Variants in TMEM164 observed in about 807,000 individuals in gnomAD.
The protein encoded by TMEM164 is RP13-360B22.2.
A neutral mutation model predicts 18.8 loss-of-function variants in TMEM164; 4 were observed. The observed-to-expected ratio is 0.21, with a 90% CI of 0.10 to 0.49. The LOEUF (loss-of-function observed/expected upper bound fraction) is 0.49. Among genes scored for constraint, TMEM164 ranks in the 20% least tolerant of loss-of-function variants. TMEM164 has a pLI of 0.98. For synonymous variants in TMEM164, 86 were observed against 101.7 expected (o/e 0.85, Z 0.93); for missense variants, 108 against 239.9 (o/e 0.45, Z 3.63).
At chrX:110,089,955 T>C (rs1213841940) in intron 3 of TMEM164, among the ~76,000 whole-genome samples, 1 of 112,492 alleles carries the variant, frequency 8.9e-6, no homozygotes, top group Non-Finnish European at 1.9e-5. Flanking sequence ...TCTTGACACT[T>C]TGTCATCTGT....
chrX:110,065,660 T>G (rs1936307053), intron 2 of TMEM164: 10 of 112,044 alleles, frequency 8.9e-5, no homozygotes, highest in Admixed American at 8.5e-4. Context: ...GTAATCCTTA[T>G]CCAAAACCAT....
intron 2 of TMEM164, among the ~76,000 whole-genome samples, chrX:110,052,266 T>A (rs910359455): frequency 2.4e-4 from 27 of 111,534 alleles, no homozygotes; most frequent in African/African-American, 8.5e-4. Context: ...GGGCTTCAAA[T>A]AGAGCAAATC....
In TMEM164 at chrX:110,168,796, C is replaced by T. The variant is rs184245918; in HGVS notation, c.587-2624C>T. Reference sequence around the variant, plus strand: ...TCTCTTTCTACGTATGTTCCCATGACTTCAGTTACCACTGTGTGCTGATGA... The same window carrying T: ...TCTCTTTCTACGTATGTTCCCATGATTTCAGTTACCACTGTGTGCTGATGA... On this transcript the variant is annotated intron_variant, in intron 5 of 6. Coordinates refer to ENST00000372068, the MANE Select transcript of TMEM164 (RefSeq NM_032227.4). 5.1e-3 allele frequency among the ~76,000 whole-genome samples: 576 copies of T among 112,839 alleles called. 7 individuals are homozygous for T. The highest frequency in any genetic ancestry group is 0.018 in the African/African-American group (548 of 31,069).
intron 2 of TMEM164, among the ~76,000 whole-genome samples, chrX:110,018,843 A>T (rs747720330): frequency 1.8e-5 from 2 of 112,222 alleles, no homozygotes; most frequent in Admixed American, 1.9e-4. Context: ...TAAATATGAG[A>T]ATCAAGTCAA....
chrX:110,009,949 C>T lies in TMEM164; in HGVS notation c.390+5785C>T, dbSNP rs753665225. Among the ~76,000 whole-genome samples the T allele has an allele frequency of 1.7e-4, 19 of 108,856 alleles. No individual in the cohort carries two copies. The East Asian group carries it at 4.3e-3, about 25-fold the overall frequency. The allele number at this position is 108,856 out of a possible 115,157, so 94.5% of individuals were successfully genotyped here. Reference sequence around the variant, plus strand: ...CAGAGGTTGCAGTGAGCCGAGATCCCGCCACTGCACTCCAGCCTGGGTGAC... The same window carrying T: ...CAGAGGTTGCAGTGAGCCGAGATCCTGCCACTGCACTCCAGCCTGGGTGAC... On this transcript the variant is annotated intron_variant, in intron 2 of 6. Coordinates refer to ENST00000372068, the MANE Select transcript of TMEM164 (RefSeq NM_032227.4).
intron 5 of TMEM164, among the ~76,000 whole-genome samples, chrX:110,147,920 G>T (rs1295801787): frequency 9.1e-6 from 1 of 109,601 alleles, no homozygotes; most frequent in African/African-American, 3.3e-5. Flanking sequence ...TTCCTATTCA[G>T]CTTGTATCTC....
At chrX:110,002,419 G>GAGGAGGGAGA (rs1217242180), upstream of TMEM164, among the ~76,000 whole-genome samples, 3 of 110,481 alleles carry the variant, frequency 2.7e-5, no homozygotes, top group Non-Finnish European at 5.7e-5. Context: ...GAGGGAGGAG[G>GAGGAGGGAGA]AGGAGGGAGA....
At chrX:110,149,492 G>A (rs995941203) in intron 5 of TMEM164, among the ~76,000 whole-genome samples, 1 of 111,663 alleles carries the variant, frequency 9.0e-6, no homozygotes, top group Non-Finnish European at 1.9e-5. Context: ...CTGCTTCGGG[G>A]CTTCCAAAGT....
At chrX:110,096,290 G>A (rs759472184) in intron 3 of TMEM164, among the ~76,000 whole-genome samples, 2 of 113,026 alleles carry the variant, frequency 1.8e-5, no homozygotes, top group African/African-American at 3.2e-5. Context: ...CAGAGGTGGA[G>A]TCTACAGAGG....
At chrX:110,146,002 T>A (rs1393670219) in intron 5 of TMEM164, among the ~76,000 whole-genome samples, 1 of 111,911 alleles carries the variant, frequency 8.9e-6, no homozygotes, top group Non-Finnish European at 1.9e-5. Context: ...TCTCACGATG[T>A]CCCAAAACAC....
At chrX:110,147,721 G>A (rs1206354378) in intron 5 of TMEM164, among the ~76,000 whole-genome samples, 2 of 110,535 alleles carry the variant, frequency 1.8e-5, no homozygotes, top group African/African-American at 6.6e-5. Context: ...CCAACATCCT[G>A]AGAGACTTCT....
At position 110,135,237 on chromosome X, in the gene TMEM164, TA is replaced by T. The variant is rs59248499; in HGVS notation, c.508-9550del. 7.5e-3 allele frequency among the ~76,000 whole-genome samples: 754 copies of T among 100,146 alleles called. 5 individuals are homozygous for T. Among genetic ancestry groups the T allele is most frequent in the African/African-American group, 0.023 (646 of 27,696 alleles). 87.0% of individuals were successfully genotyped at this position (100,146 alleles called of 115,157 possible). A position where few individuals can be genotyped will look rare whatever the true frequency, so the allele number is the denominator to read the frequency against. On this transcript the variant is annotated intron_variant, in intron 4 of 6. Coordinates refer to ENST00000372068, the MANE Select transcript of TMEM164 (RefSeq NM_032227.4). ...ATATACAAACTTATTCCTTTTCTTC[TA>T]AAAAAAAAAAGGATCATGCCTTATA...
intron 3 of TMEM164, among the ~76,000 whole-genome samples, chrX:110,097,452 G>C (rs1329076928): frequency 8.9e-6 from 1 of 112,497 alleles, no homozygotes; most frequent in Non-Finnish European, 1.9e-5. Flanking sequence ...GTATAAACAT[G>C]GATAATTAGA....
intron 5 of TMEM164, among the ~76,000 whole-genome samples, chrX:110,159,636 A>T (rs2067065888): frequency 9.0e-6 from 1 of 111,095 alleles, no homozygotes; most frequent in Non-Finnish European, 1.9e-5. Flanking sequence ...CACTGATCTG[A>T]GGTGAATTCA....
chrX:110,170,651 T>C (rs1255733999), intron 5 of TMEM164, among the ~76,000 whole-genome samples: 1 of 111,541 alleles, frequency 9.0e-6, no homozygotes, highest in East Asian at 2.8e-4. Context: ...ATGATACTTT[T>C]TAGCAATGAT....
chrX:110,133,435 G>A lies in TMEM164; in HGVS notation c.508-11363G>A, dbSNP rs148125506. 8.0e-3 allele frequency among the ~76,000 whole-genome samples: 893 copies of A among 112,187 alleles called. 4 individuals are homozygous for A. Among genetic ancestry groups the A allele is most frequent in the Non-Finnish European group, 0.012 (632 of 53,198 alleles). On this transcript the variant is annotated intron_variant, in intron 4 of 6. Coordinates refer to ENST00000372068, the MANE Select transcript of TMEM164 (RefSeq NM_032227.4). Reference sequence around the variant, plus strand: ...CAAAGTGCTGGGATTACAGGCATGAGCCACCGCGCCCTGGACTGTAATCTC... The same window carrying A: ...CAAAGTGCTGGGATTACAGGCATGAACCACCGCGCCCTGGACTGTAATCTC...
At chrX:110,168,379 G>T (rs2067186058) in intron 5 of TMEM164, among the ~76,000 whole-genome samples, 1 of 113,040 alleles carries the variant, frequency 8.8e-6, no homozygotes, top group South Asian at 3.6e-4. Flanking sequence ...TTGGTCTAGA[G>T]GGTTGGACAG....
chrX:110,030,770 C>T (rs779811386), intron 2 of TMEM164, among the ~76,000 whole-genome samples: 1 of 98,911 alleles, frequency 1.0e-5, no homozygotes, highest in African/African-American at 3.8e-5. Context: ...GAGATCGCGC[C>T]ACTGCACTCC....
intron 5 of TMEM164, among the ~76,000 whole-genome samples, chrX:110,150,556 A>G (rs1384150295): frequency 1.8e-5 from 2 of 112,824 alleles, no homozygotes; most frequent in Non-Finnish European, 3.7e-5. Context: ...TGTGAAAAAT[A>G]TATTTCCCGT....
Sources: allele counts gnomAD v4.1 joint callset (sites outside exome capture counted in the v4.1 genomes callset), GRCh38; gene constraint gnomAD v4.1.1; transcripts MANE v1.5; gene names NCBI Gene and HGNC (gene_info 2026-07-23, HGNC 2026-07-21).